PPIG: variants seen among roughly 807,000 people sequenced by gnomAD.
The protein encoded by PPIG is peptidylprolyl isomerase G.
In PPIG, 26 loss-of-function variants were observed where a neutral mutation model predicts 87.9. The observed-to-expected ratio is 0.30, with a 90% CI of 0.22 to 0.41. PPIG has a LOEUF of 0.41. Among genes scored for constraint, PPIG ranks in the 10% least tolerant of loss-of-function variants. The pLI is 1.00. For synonymous variants in PPIG, 308 were observed against 276.5 expected (o/e 1.11, Z -1.13); for missense variants, 722 against 879.4 (o/e 0.82, Z 2.26).
chr2:169,633,556 C>G (rs1259168911), intron 12 of PPIG: 3 of 438,872 alleles, frequency 6.8e-6, no homozygotes, highest in African/African-American at 2.1e-5. Context: ...AAAATTAACC[C>G]TATTCTTGTA....
chr2:169,619,569 T>C (rs1453493969), intron 9 of PPIG, among the ~76,000 whole-genome samples: 2 of 152,284 alleles, frequency 1.3e-5, no homozygotes, highest in East Asian at 3.9e-4. Flanking sequence ...TTGGTGCATA[T>C]ATATTTAGGA....
In PPIG at chr2:169,631,758, CTGT is replaced by C; in HGVS notation, c.762-6_762-4del. 2 of 1,613,628 alleles carry C rather than the reference CTGT, an allele frequency of 1.2e-6. No individual in the cohort carries two copies. Among genetic ancestry groups the C allele is most frequent in the East Asian group, 4.5e-5 (2 of 44,830 alleles). ...TGTAACTTGTTTTGTGTGTTTCTGTCTGTTAAGTGCATCTAGTGAGAGTGAAGC... is the reference window on the plus strand; with the variant it reads ...TGTAACTTGTTTTGTGTGTTTCTGTCTAAGTGCATCTAGTGAGAGTGAAGC... On this transcript the variant is annotated splice_region_variant and splice_polypyrimidine_tract_variant and intron_variant, in intron 10 of 13. Transcript: ENST00000260970.
intron 1 of PPIG, chr2:169,584,923 AG>A (rs1398459694): frequency 5.9e-5 from 12 of 203,140 alleles, no homozygotes. Context: ...CTGGTGGGGA[AG>A]GGGGAGACAG....
intron 9 of PPIG, among the ~76,000 whole-genome samples, chr2:169,626,821 T>C (rs149454446): frequency 6.6e-6 from 1 of 152,210 alleles, no homozygotes; most frequent in African/African-American, 2.4e-5. Context: ...GTGATTCTCA[T>C]GCCTTAGCCT....
At chr2:169,599,423 C>T (rs1372125875) in intron 1 of PPIG, among the ~76,000 whole-genome samples, 1 of 151,826 alleles carries the variant, frequency 6.6e-6, no homozygotes, top group Non-Finnish European at 1.5e-5. Flanking sequence ...ATTTACTTAA[C>T]TATTGTGTTA....
intron 1 of PPIG, among the ~76,000 whole-genome samples, chr2:169,594,479 T>C (rs115320273): frequency 2.3e-3 from 347 of 152,250 alleles, no homozygotes; most frequent in African/African-American, 7.9e-3. Flanking sequence ...GTAAATCCTG[T>C]CTTTTTAATG....
intron 9 of PPIG, among the ~76,000 whole-genome samples, chr2:169,626,882 G>A (rs1317362651): frequency 2.0e-5 from 3 of 149,298 alleles, no homozygotes; most frequent in Non-Finnish European, 4.5e-5. Flanking sequence ...GTTAATTTTT[G>A]TATCTCTAGT....
intron 9 of PPIG, 136 bp from the exon 10 acceptor site, chr2:169,630,638 G>T: frequency 1.4e-6 from 1 of 715,134 alleles, no homozygotes. Flanking sequence ...CTCCTTTCCT[G>T]TACTTCCCAG....
At chr2:169,632,065 TC>T in intron 11 of PPIG, 132 bp downstream of exon 11, 1 of 1,213,404 alleles carries the variant, frequency 8.2e-7, no homozygotes, top group Admixed American at 3.4e-5. Context: ...AAAATGTTCT[TC>T]CGCAAAGTTC....
At chr2:169,605,223 A>G (rs1685290587) in intron 4 of PPIG, among the ~76,000 whole-genome samples, 2 of 152,024 alleles carry the variant, frequency 1.3e-5, no homozygotes, top group Admixed American at 1.3e-4. Context: ...AATCCCAGCT[A>G]CTCGGGAGGC....
intron 1 of PPIG, among the ~76,000 whole-genome samples, chr2:169,593,712 C>T (rs1282115966): frequency 1.5e-5 from 2 of 136,736 alleles, no homozygotes; most frequent in Admixed American, 8.1e-5. Flanking sequence ...AGTGCAGTGG[C>T]GTGATCTCGG....
At chr2:169,612,354 A>G (rs1271092334) in intron 7 of PPIG, among the ~76,000 whole-genome samples, 1 of 143,160 alleles carries the variant, frequency 7.0e-6, no homozygotes, top group Non-Finnish European at 1.5e-5. Context: ...AGGTTTATTT[A>G]TATTGTAACA....
intron 6 of PPIG, among the ~76,000 whole-genome samples, chr2:169,607,351 T>A (rs1365694242): frequency 6.6e-6 from 1 of 152,182 alleles, no homozygotes; most frequent in Non-Finnish European, 1.5e-5. Flanking sequence ...TTTTACAACA[T>A]GATTTGAAAG....
At chr2:169,592,693 G>A (rs1684902710) in intron 1 of PPIG, among the ~76,000 whole-genome samples, 1 of 151,958 alleles carries the variant, frequency 6.6e-6, no homozygotes, top group South Asian at 2.1e-4. Context: ...TCCTCCCTTC[G>A]CCCCTCAAAG....
chr2:169,622,662 C>G (rs1008984361), intron 9 of PPIG, among the ~76,000 whole-genome samples: 1 of 152,188 alleles, frequency 6.6e-6, no homozygotes, highest in Non-Finnish European at 1.5e-5. Context: ...AATGGCTACT[C>G]TGTTCTGAAT....
intron 12 of PPIG, among the ~76,000 whole-genome samples, chr2:169,633,885 C>T (rs1686120707): frequency 6.7e-6 from 1 of 150,192 alleles, no homozygotes; most frequent in South Asian, 2.2e-4. Flanking sequence ...GACTGGAGTG[C>T]AGTGGCATGA....
intron 9 of PPIG, among the ~76,000 whole-genome samples, chr2:169,625,475 C>G (rs1388619127): frequency 6.6e-6 from 1 of 152,100 alleles, no homozygotes; most frequent in East Asian, 1.9e-4. Flanking sequence ...CTGTATAAAA[C>G]TACGTATTAT....
intron 9 of PPIG, among the ~76,000 whole-genome samples, chr2:169,623,790 T>G (rs1207929314): frequency 2.0e-5 from 3 of 152,224 alleles, no homozygotes; most frequent in Non-Finnish European, 4.4e-5. Flanking sequence ...AAAGACCATT[T>G]TAGGAATACT....
rs1686204908 is a variant in PPIG at position 169,637,221 on chromosome 2, AAAG to A, written c.1966_1968del (p.Glu656del). On this transcript the variant is annotated inframe_deletion, in exon 14 of 14. Coordinates refer to ENST00000260970, the MANE Select transcript of PPIG (RefSeq NM_004792.3). ...CCAAGAGAGTAAGAGCTCACACAGAAAAGAAAATTCTGAGAGTGAGAAAAGAAT... is the reference window on the plus strand; with the variant it reads ...CCAAGAGAGTAAGAGCTCACACAGAAAAAATTCTGAGAGTGAGAAAAGAAT... 1 of 1,613,584 alleles carries A rather than the reference AAAG, an allele frequency of 6.2e-7. No homozygotes were observed. Among genetic ancestry groups the A allele is most frequent in the South Asian group, 1.1e-5 (1 of 91,016 alleles).
Sources: allele counts gnomAD v4.1 joint callset (sites outside exome capture counted in the v4.1 genomes callset), GRCh38; gene constraint gnomAD v4.1.1; transcripts MANE v1.5; gene names NCBI Gene and HGNC (gene_info 2026-07-23, HGNC 2026-07-21).